SIPA1L2: variants seen among roughly 807,000 people sequenced by gnomAD.
SIPA1L2 encodes the protein signal-induced proliferation-associated 1-like protein 2.
In SIPA1L2, 56 loss-of-function variants were observed where a neutral mutation model predicts 163.9. The observed-to-expected ratio is 0.34, with a 90% CI of 0.28 to 0.43. The LOEUF (loss-of-function observed/expected upper bound fraction) is 0.43, where lower values mean the gene tolerates loss of function less well. SIPA1L2 is among the 20% of genes least tolerant of loss of function. The pLI is 1.00. For synonymous variants in SIPA1L2, 877 were observed against 865.7 expected, an observed-to-expected ratio of 1.01 and a Z score of -0.23; for missense variants, 1,974 against 2,193.5, an observed-to-expected ratio of 0.90 and a Z score of 2.00.
intron 10 of SIPA1L2, among the ~76,000 whole-genome samples, chr1:232,451,331 C>T (rs959236621): frequency 6.6e-6 from 1 of 152,166 alleles, no homozygotes; most frequent in African/African-American, 2.4e-5. Context: ...GGATCTGCGT[C>T]CCCCTTGGCA....
chr1:232,629,737 A>ACCCCTCGCC (rs1663282167), intron 1 of SIPA1L2, among the ~76,000 whole-genome samples, 132 bp downstream of exon 1: 1 of 146,372 alleles, frequency 6.8e-6, no homozygotes, highest in African/African-American at 2.6e-5. Context: ...CGCCCCTCGC[A>ACCCCTCGCC]CCCCTCGCCG....
At chr1:232,509,400 C>G (rs969085965) in intron 3 of SIPA1L2, among the ~76,000 whole-genome samples, 1 of 151,988 alleles carries the variant, frequency 6.6e-6, no homozygotes, top group Admixed American at 6.6e-5. Flanking sequence ...AAGCACAGAA[C>G]AAAATAAAAG....
At chr1:232,591,433 C>A (rs1660951953) in intron 1 of SIPA1L2, among the ~76,000 whole-genome samples, 1 of 152,256 alleles carries the variant, frequency 6.6e-6, no homozygotes, top group Non-Finnish European at 1.5e-5. Flanking sequence ...CAGCTCCTCC[C>A]TGGGTCTGCC....
intron 1 of SIPA1L2, among the ~76,000 whole-genome samples, chr1:232,597,054 T>C (rs1661292529): frequency 6.6e-6 from 1 of 152,178 alleles, no homozygotes; most frequent in Non-Finnish European, 1.5e-5. Flanking sequence ...GCCTCTACTT[T>C]CACTTTCCTT....
intron 10 of SIPA1L2, among the ~76,000 whole-genome samples, chr1:232,448,712 G>T (rs558791419): frequency 6.6e-6 from 1 of 152,170 alleles, no homozygotes; most frequent in East Asian, 1.9e-4. Flanking sequence ...AATGGTGCAG[G>T]GACGGTAAGC....
At chr1:232,471,892 A>C (rs1316199684) in intron 7 of SIPA1L2, among the ~76,000 whole-genome samples, 4 of 152,224 alleles carry the variant, frequency 2.6e-5, no homozygotes, top group African/African-American at 9.6e-5. Context: ...AAGAGAGGGT[A>C]CAGGTTTGCT....
chr1:232,429,653 T>C (rs1014737312), intron 16 of SIPA1L2, among the ~76,000 whole-genome samples: 2 of 149,164 alleles, frequency 1.3e-5, no homozygotes, highest in Non-Finnish European at 3.0e-5. Context: ...AAAACATTAC[T>C]GAAGATTTAG....
Position 232,461,141 on chromosome 1 carries a change from C to T in SIPA1L2, c.2841G>A (p.Glu947=). 1 of 1,614,172 alleles carries T rather than the reference C, an allele frequency of 6.2e-7. No individual in the cohort carries two copies. The highest frequency in any genetic ancestry group is 8.5e-7 in the Non-Finnish European group (1 of 1,180,004). The change falls in exon 10 of 23, where the codon GAG becomes GAA. Residue 947 remains glutamate, a synonymous_variant. Coordinates refer to ENST00000674635, the MANE Select transcript of SIPA1L2 (RefSeq NM_020808.5). The stretch of plus-strand genomic sequence containing the variant: ...TCCTCCTCAGGGTCATTTCCACAGT[C>T]TCGCAGCCTCTCGTCACTATCTAAG... ...QRLVIVTRGC[E]TVEMTLRRNG...
rs759534759 is a variant in SIPA1L2, at chr1:232,428,489, A to T, written c.4332T>A (p.Thr1444=). The change falls in exon 17 of 23, where the codon ACT becomes ACA. Residue 1444 remains threonine (T), a synonymous_variant. Coordinates refer to ENST00000674635, the MANE Select transcript of SIPA1L2 (RefSeq NM_020808.5). ...AATCTTCTTTAGACAGAACATGTTG[A>T]GTCTCTGCAACAGCATCTCCCACCA... ...QTVVGDAVAE[T]QHVLSKEDFL... is the part of the protein sequence containing the mutation. 2.5e-6 allele frequency: 4 copies of T among 1,601,610 alleles called. No homozygotes were observed. Among genetic ancestry groups the T allele is most frequent in the Non-Finnish European group, 3.4e-6 (4 of 1,174,850 alleles).
intron 3 of SIPA1L2, among the ~76,000 whole-genome samples, chr1:232,500,993 A>C (rs1379742717): frequency 6.7e-6 from 1 of 150,368 alleles, no homozygotes; most frequent in Non-Finnish European, 1.5e-5. Context: ...CCTCCATCAG[A>C]AGAAAGGTTG....
Position 232,493,627 on chromosome 1 carries a change from A to C in SIPA1L2, c.1517T>G (p.Leu506Arg). 1 of 1,614,114 alleles carries C rather than the reference A, an allele frequency of 6.2e-7. No individual in the cohort carries two copies. Among genetic ancestry groups the C allele is most frequent in the Non-Finnish European group, 8.5e-7 (1 of 1,180,028 alleles). ...CCGGATGCTGACTGCTACTGGACCAAGGTTTTCATCTATTCCAAAGTAGTT... is the reference window on the plus strand; with the variant it reads ...CCGGATGCTGACTGCTACTGGACCACGGTTTTCATCTATTCCAAAGTAGTT... ...HQNYFGIDEN[L>R]GPVAVSIRRE... Residue 506 changes from leucine (L) to arginine (R), a missense_variant, in exon 4 of 23, where the codon CTT (leucine) becomes CGT (arginine). Leu to Arg is a moderately radical substitution (Grantham distance 102, BLOSUM62 -2). Coordinates refer to ENST00000674635, the MANE Select transcript of SIPA1L2 (RefSeq NM_020808.5).
At chr1:232,582,506 C>A (rs367816821) in intron 1 of SIPA1L2, among the ~76,000 whole-genome samples, 1 of 152,226 alleles carries the variant, frequency 6.6e-6, no homozygotes, top group African/African-American at 2.4e-5. Flanking sequence ...TTCATGACTA[C>A]ACAGTATTCC....
intron 9 of SIPA1L2, among the ~76,000 whole-genome samples, chr1:232,464,174 T>C (rs1664390227): frequency 6.6e-6 from 1 of 152,230 alleles, no homozygotes; most frequent in South Asian, 2.1e-4. Context: ...TACTACTTTA[T>C]TTTATATGCT....
intron 2 of SIPA1L2, among the ~76,000 whole-genome samples, chr1:232,521,676 G>A (rs1667465855): frequency 6.6e-6 from 1 of 152,130 alleles, no homozygotes; most frequent in African/African-American, 2.4e-5. Context: ...AAAGTCCTGA[G>A]TCGACACAGT....
intron 10 of SIPA1L2, among the ~76,000 whole-genome samples, chr1:232,450,327 C>T (rs1244987126): frequency 2.6e-5 from 4 of 152,172 alleles, no homozygotes; most frequent in African/African-American, 4.8e-5. Flanking sequence ...ATTTATATTG[C>T]TTCCAAGTGT....
chr1:232,548,956 T>A (rs1356111037), intron 2 of SIPA1L2, among the ~76,000 whole-genome samples: 1 of 152,216 alleles, frequency 6.6e-6, no homozygotes. Flanking sequence ...AGCAGAAGCT[T>A]CTGGAAAGCC....
chr1:232,490,794 A>C (rs1665888555), intron 5 of SIPA1L2, 80 bp downstream of exon 5: 1 of 1,377,416 alleles, frequency 7.3e-7, no homozygotes, highest in Middle Eastern at 2.6e-4. Flanking sequence ...TCTTACAAGA[A>C]AGATGGATGG....
At chr1:232,457,274 C>G (rs1384647324) in intron 10 of SIPA1L2, among the ~76,000 whole-genome samples, 1 of 152,212 alleles carries the variant, frequency 6.6e-6, no homozygotes, top group Non-Finnish European at 1.5e-5. Flanking sequence ...GCCACTCATG[C>G]TGCCCACAGG....
At chr1:232,601,147 TG>T in intron 1 of SIPA1L2, among the ~76,000 whole-genome samples, 1 of 152,208 alleles carries the variant, frequency 6.6e-6, no homozygotes, top group Middle Eastern at 3.2e-3. Flanking sequence ...GCCCCCAGGC[TG>T]GGCCCTGGGA....
Sources: allele counts gnomAD v4.1 joint callset (sites outside exome capture counted in the v4.1 genomes callset), GRCh38; gene constraint gnomAD v4.1.1; transcripts MANE v1.5; gene names NCBI Gene and HGNC (gene_info 2026-07-23, HGNC 2026-07-21).